Variants in MED23 observed in about 807,000 individuals in gnomAD.
The protein encoded by MED23 is mediator of RNA polymerase II transcription subunit 23.
MED23 carries 105 observed loss-of-function variants against 163.9 expected under a neutral mutation model. That is an observed-to-expected ratio of 0.64 (90% CI 0.55 to 0.75). The LOEUF (loss-of-function observed/expected upper bound fraction) is 0.75, where lower values mean the gene tolerates loss of function less well. Among genes scored for constraint, MED23 ranks in the 30% least tolerant of loss-of-function variants. The probability of loss-of-function intolerance (pLI) is 0.00; values close to 1 mark genes in which losing one functional copy is unlikely to be tolerated. For synonymous variants in MED23, 561 were observed against 565.6 expected, an observed-to-expected ratio of 0.99 and a Z score of 0.12; for missense variants, 1,054 against 1,649.0, an observed-to-expected ratio of 0.64 and a Z score of 6.25.
intron 15 of MED23, among the ~76,000 whole-genome samples, chr6:131,603,618 T>G (rs1775644462): frequency 6.6e-6 from 1 of 152,178 alleles, no homozygotes; most frequent in African/African-American, 2.4e-5. Context: ...GAAAGTTTTG[T>G]TCAACAATCA....
Position 131,602,291 on chromosome 6 carries a change from T to C in MED23, c.2022A>G (p.Thr674=). 6.2e-7 allele frequency: 1 copy of C among 1,613,962 alleles called. No individual in the cohort carries two copies. Among genetic ancestry groups the C allele is most frequent in the Non-Finnish European group, 8.5e-7 (1 of 1,179,848 alleles). ...GTTCTTCAGATTCTGCTGAGAGCAC[T>C]GTTTTGGGATCACTAAGGAAGCGTG... ...QFTRFLSDPK[T]VLSAESEELN... is the part of the protein sequence containing the mutation. Residue 674 remains threonine (T), a synonymous_variant, in exon 17 of 29, where the codon ACA becomes ACG. Coordinates refer to ENST00000368068, the MANE Select transcript of MED23 (RefSeq NM_004830.4).
At chr6:131,609,538 A>G (rs932592397) in intron 11 of MED23, among the ~76,000 whole-genome samples, 1 of 124,182 alleles carries the variant, frequency 8.1e-6, no homozygotes, top group Non-Finnish European at 1.6e-5. Flanking sequence ...TTTGACACAG[A>G]GTCTCGCTCT....
chr6:131,594,397 G>C, intron 22 of MED23, 62 bp from the exon 23 acceptor site: 1 of 1,239,558 alleles, frequency 8.1e-7, no homozygotes, highest in Non-Finnish European at 1.2e-6. Flanking sequence ...GTGAAAAACT[G>C]ATCAACTGCT....
chr6:131,587,472 C>T lies in MED23; in HGVS notation c.*207G>A. On this transcript the variant is annotated 3_prime_UTR_variant, in exon 29 of 29. Transcript: ENST00000368068. ...ATGAATATGAACAACATGTATCTTACTTGATCTCTTAGAGACAAAAATATA... is the reference window on the plus strand; with the variant it reads ...ATGAATATGAACAACATGTATCTTATTTGATCTCTTAGAGACAAAAATATA... 7.1e-7 allele frequency: 1 copy of T among 1,405,136 alleles called. No individual in the cohort carries two copies. The highest frequency in any genetic ancestry group is 9.2e-7 in the Non-Finnish European group (1 of 1,081,170). 87.0% of individuals were successfully genotyped at this position (1,405,136 alleles called of 1,614,324 possible).
chr6:131,624,755 C>G, intron 4 of MED23, 110 bp downstream of exon 4: 3 of 1,221,438 alleles, frequency 2.5e-6, no homozygotes, highest in Non-Finnish European at 3.6e-6. Context: ...ACTTGATAAA[C>G]CTCACCTTCT....
intron 12 of MED23, 88 bp from the exon 13 acceptor site, chr6:131,606,712 T>C (rs1183524177): frequency 8.7e-7 from 1 of 1,148,564 alleles, no homozygotes; most frequent in African/African-American, 1.5e-5. Context: ...ATTTCTAATA[T>C]AACTCTTTTT....
At chr6:131,625,133 A>C (rs1777390901) in intron 3 of MED23, 144 bp from the exon 4 acceptor site, 4 of 939,432 alleles carry the variant, frequency 4.3e-6, no homozygotes, top group Non-Finnish European at 4.8e-6. Context: ...TTTTTAAAAA[A>C]AGCAAAATTA....
In MED23 at chr6:131,618,354, T is replaced by C. The variant is rs1776842181; in HGVS notation, c.780+53A>G. ...ATTTAGCATCACATATCTTATAATCTAGGTTGAAGACTGTCAGATGGACTA... is the reference window on the plus strand; with the variant it reads ...ATTTAGCATCACATATCTTATAATCCAGGTTGAAGACTGTCAGATGGACTA... On this transcript the variant is annotated intron_variant, in intron 9 of 28. Coordinates refer to ENST00000368068, the MANE Select transcript of MED23 (RefSeq NM_004830.4). The C allele has an allele frequency of 3.4e-6, 4 of 1,159,774 alleles. No homozygotes were observed. In the East Asian group the frequency reaches 7.2e-5, roughly 21 times the overall value. The allele number at this position is 1,159,774 out of a possible 1,614,324, so 71.8% of individuals were successfully genotyped here.
downstream of MED23, chr6:131,583,796 CAGA>C (rs1399124034): frequency 1.1e-5 from 17 of 1,613,916 alleles, no homozygotes; most frequent in Admixed American, 5.0e-5. Context: ...GGGAAGACAC[CAGA>C]AGAAGTAACT....
intron 28 of MED23, 132 bp downstream of exon 28, chr6:131,589,333 C>T: frequency 2.5e-6 from 2 of 790,574 alleles, no homozygotes; most frequent in South Asian, 1.7e-5. Context: ...AGGTCTCATA[C>T]CCACCCTTTT....
exon 31 of MED23, chr6:131,574,282 ACT>A (rs1212481985): frequency 1.2e-6 from 2 of 1,613,938 alleles, no homozygotes; most frequent in East Asian, 4.5e-5. Context: ...CTTGCTGTGT[ACT>A]CTGACTTTTT....
At chr6:131,626,015 G>A (rs971932602) in intron 3 of MED23, among the ~76,000 whole-genome samples, 1 of 151,162 alleles carries the variant, frequency 6.6e-6, no homozygotes, top group Non-Finnish European at 1.5e-5. Context: ...CCAGCTACTC[G>A]GGAGGCTGAG....
intron 24 of MED23, chr6:131,592,794 G>A (rs1774741862): frequency 3.2e-6 from 2 of 627,004 alleles, no homozygotes; most frequent in Admixed American, 5.7e-5. Context: ...CTATTAATGA[G>A]TAGAAGTAGG....
chr6:131,583,735 G>C (rs2114550889), downstream of MED23: 1 of 1,613,000 alleles, frequency 6.2e-7, no homozygotes, highest in East Asian at 2.2e-5. Context: ...ACAATTTGTT[G>C]TTGTAGGGCT....
rs759186677 is a variant in MED23 at position 131,603,210 on chromosome 6, G to A, written c.1757-6C>T. 7 of 1,613,372 alleles carry A rather than the reference G, an allele frequency of 4.3e-6. No homozygotes were observed. In the South Asian group the frequency reaches 4.4e-5, roughly 10 times the overall value. ...AACAGTTGGCAAAAGCTGACCTGGAGGAAAAAGACAATTTAAGGTACCAAT... is the reference window on the plus strand; with the variant it reads ...AACAGTTGGCAAAAGCTGACCTGGAAGAAAAAGACAATTTAAGGTACCAAT... On this transcript the variant is annotated splice_polypyrimidine_tract_variant and splice_region_variant and intron_variant, in intron 15 of 28. Coordinates refer to ENST00000368068, the MANE Select transcript of MED23 (RefSeq NM_004830.4).
At chr6:131,601,255 T>C (rs570670359) in intron 17 of MED23, among the ~76,000 whole-genome samples, 4 of 152,344 alleles carry the variant, frequency 2.6e-5, no homozygotes, top group Middle Eastern at 3.4e-3. Flanking sequence ...CACGACATGA[T>C]AGCATTCCAA....
downstream of MED23, among the ~76,000 whole-genome samples, chr6:131,584,816 T>TACACACACACAC (rs59196638): frequency 0.03 from 3,977 of 134,078 alleles, 88 homozygotes; most frequent in Admixed American, 0.05. Flanking sequence ...CTACAAAAAA[T>TACACACACACAC]ACACACACAC....
intron 8 of MED23, among the ~76,000 whole-genome samples, chr6:131,618,731 A>C (rs560764768): frequency 6.6e-6 from 1 of 152,356 alleles, no homozygotes; most frequent in East Asian, 1.9e-4. Flanking sequence ...CAAAGTTGAA[A>C]ATATCGCATT....
At chr6:131,597,474 T>TG (rs1775137956) in intron 20 of MED23, among the ~76,000 whole-genome samples, 1 of 20,240 alleles carries the variant, frequency 4.9e-5, no homozygotes, top group African/African-American at 4.8e-4. Flanking sequence ...AGACTCCATA[T>TG]CAAAAAAAAA....
Sources: allele counts gnomAD v4.1 joint callset (sites outside exome capture counted in the v4.1 genomes callset), GRCh38; gene constraint gnomAD v4.1.1; transcripts MANE v1.5; gene names NCBI Gene and HGNC (gene_info 2026-07-23, HGNC 2026-07-21).